Variants in SASH1 observed in about 807,000 individuals in gnomAD.
SASH1 encodes the protein SAM and SH3 domain-containing protein 1.
Under a neutral mutation model 125.2 loss-of-function variants are expected in SASH1, and 44 were observed. The ratio of observed to expected loss-of-function variants is 0.35; its 90% CI spans 0.28 to 0.45. SASH1 has a LOEUF of 0.45. SASH1 is among the 20% of genes least tolerant of loss of function. SASH1 has a pLI of 1.00. For missense variants in SASH1, 1,426 were observed against 1,614.5 expected, an observed-to-expected ratio of 0.88 and a Z score of 2.00; for synonymous variants, 639 against 649.1, an observed-to-expected ratio of 0.98 and a Z score of 0.24.
chr6:148,494,221 T>C (rs548103458), intron 8 of SASH1, among the ~76,000 whole-genome samples: 1 of 152,228 alleles, frequency 6.6e-6, no homozygotes, highest in South Asian at 2.1e-4. Context: ...CAATCTTATT[T>C]AAAATTTTTT....
chr6:148,387,564 TTCTCTTTCTTTCTTTCTTTCTTTCTTTC>T (rs1783440496), intron 1 of SASH1, among the ~76,000 whole-genome samples: 3 of 142,272 alleles, frequency 2.1e-5, no homozygotes, highest in Non-Finnish European at 4.7e-5. Context: ...TTTCTTTCTT[TTCTCTTTCTTTCTTTCTTTCTTTCTTTC>T]TTTCTTTCTT....
At chr6:148,261,695 A>T in the SASH1 span, among the ~76,000 whole-genome samples, 1 of 152,180 alleles carries the variant, frequency 6.6e-6, no homozygotes, top group Non-Finnish European at 1.5e-5. Flanking sequence ...CAGGAATGAC[A>T]GTCCTGCATT....
intron 4 of SASH1, among the ~76,000 whole-genome samples, chr6:148,452,703 C>T (rs369297405): frequency 2.6e-3 from 101 of 39,252 alleles, no homozygotes; most frequent in African/African-American, 5.8e-3. Flanking sequence ...GCTGTTCCCT[C>T]CCCTCACCCC....
At chr6:148,408,721 A>G (rs999754243) in intron 2 of SASH1, among the ~76,000 whole-genome samples, 6 of 152,082 alleles carry the variant, frequency 3.9e-5, no homozygotes, top group African/African-American at 1.2e-4. Context: ...TTTTGGTGTC[A>G]TATCCACTGA....
At chr6:148,462,225 T>C (rs1304511128) in intron 4 of SASH1, among the ~76,000 whole-genome samples, 3 of 152,196 alleles carry the variant, frequency 2.0e-5, no homozygotes, top group Non-Finnish European at 4.4e-5. Flanking sequence ...AGTACAGGTT[T>C]TCCAGTAACA....
chr6:148,288,890 G>T (rs1043908434), intron 1 of SASH1, among the ~76,000 whole-genome samples: 2 of 152,218 alleles, frequency 1.3e-5, no homozygotes, highest in Non-Finnish European at 2.9e-5. Context: ...TGGCCAGAGA[G>T]ATTTCACCTC....
chr6:148,301,119 G>A (rs990011426), intron 1 of SASH1, among the ~76,000 whole-genome samples: 1 of 151,712 alleles, frequency 6.6e-6, no homozygotes, highest in African/African-American at 2.4e-5. Flanking sequence ...CTGCAGTCGG[G>A]AGTTCGAGTC....
chr6:148,305,953 C>T (rs1389152476), intron 1 of SASH1, among the ~76,000 whole-genome samples: 1 of 152,138 alleles, frequency 6.6e-6, no homozygotes, highest in Non-Finnish European at 1.5e-5. Flanking sequence ...ATGATGAGTG[C>T]TTGAGGTGAT....
At chr6:148,427,658 G>T (rs1775884080) in intron 2 of SASH1, among the ~76,000 whole-genome samples, 1 of 152,178 alleles carries the variant, frequency 6.6e-6, no homozygotes, top group South Asian at 2.1e-4. Context: ...TTGACATGAG[G>T]TGTGGGAGCA....
chr6:148,444,633 G>C (rs186223978), intron 4 of SASH1, among the ~76,000 whole-genome samples: 3 of 152,160 alleles, frequency 2.0e-5, no homozygotes, highest in Non-Finnish European at 4.4e-5. Flanking sequence ...AATAAAGAAG[G>C]CCAAGGGAGA....
intron 1 of SASH1, among the ~76,000 whole-genome samples, chr6:148,289,861 GTTTTTT>G (rs144013796): frequency 2.3e-5 from 2 of 85,892 alleles, no homozygotes; most frequent in Non-Finnish European, 4.3e-5. Flanking sequence ...TTTTGGTTGT[GTTTTTT>G]TTTTTTTTTT....
At chr6:148,457,271 G>C (rs796283960) in intron 4 of SASH1, among the ~76,000 whole-genome samples, 1 of 150,930 alleles carries the variant, frequency 6.6e-6, no homozygotes, top group East Asian at 2.0e-4. Context: ...TCCAGGGGCA[G>C]CATTACAAAC....
intron 2 of SASH1, among the ~76,000 whole-genome samples, chr6:148,411,209 CTGTATTTT>C (rs908847807): frequency 4.6e-5 from 6 of 129,288 alleles, no homozygotes; most frequent in South Asian, 5.6e-4. Flanking sequence ...CCTTCCAGGT[CTGTATTTT>C]TGTATTTTTG....
Position 148,326,371 on chromosome 6 carries a change from T to TAC in SASH1, n.74+53995_74+53996insCA, listed in dbSNP as rs1554235359. On this transcript the variant is annotated intron_variant and non_coding_transcript_variant, in intron 1 of 3. Transcript: ENST00000367469. ...ATATATATATATGCATATATATATA[T>TAC]ATACATTCTTTTCTTTTCTTTTCTT... Among the ~76,000 whole-genome samples the TAC allele has an allele frequency of 5.8e-4, 43 of 74,490 alleles. 5 individuals are homozygous for TAC. In the East Asian group the frequency reaches 0.011, roughly 19 times the overall value. 48.9% of individuals were successfully genotyped at this position (74,490 alleles called of 152,430 possible). A position where few individuals can be genotyped will look rare whatever the true frequency, so the allele number is the denominator to read the frequency against.
At chr6:148,343,950 T>G (rs58264919) in intron 1 of SASH1, among the ~76,000 whole-genome samples, 12,437 of 152,154 alleles carry the variant, frequency 0.082, 779 homozygotes, top group East Asian at 0.32. Flanking sequence ...ATGGGCGAGG[T>G]TTATTACAGT....
chr6:148,543,890 T>A lies in SASH1; in HGVS notation c.2420T>A (p.Leu807Ter). The change falls in exon 18 of 20, where the codon TTG (leucine) becomes TAG (stop). Residue 807 changes from leucine (L) to a stop codon, truncating the protein, a stop_gained. Coordinates refer to ENST00000367467, the MANE Select transcript of SASH1 (RefSeq NM_015278.5). LOFTEE classifies it high-confidence loss of function. ...TGTGACCCACCTGGTGTGACTGGTT[T>A]GAATAAAAACCGAAGAAGCCTCCCA... ...KSCDPPGVTGLNKNRRSLPVS... is the reference protein window; with the variant it reads ...KSCDPPGVTG 6.2e-7 allele frequency: 1 copy of A among 1,614,172 alleles called. No homozygotes were observed. Among genetic ancestry groups the A allele is most frequent in the Non-Finnish European group, 8.5e-7 (1 of 1,180,040 alleles).
chr6:148,202,951 C>CAAA, the SASH1 span, among the ~76,000 whole-genome samples: 4 of 137,262 alleles, frequency 2.9e-5, no homozygotes, highest in Non-Finnish European at 4.7e-5. Context: ...AAGGCTGTGT[C>CAAA]AAAAAAAAAA....
chr6:148,309,841 CA>C (rs1780252707), intron 1 of SASH1, among the ~76,000 whole-genome samples: 1 of 152,064 alleles, frequency 6.6e-6, no homozygotes, highest in Admixed American at 6.6e-5. Flanking sequence ...CAAAGGAGAA[CA>C]AAAACTGGCG....
chr6:148,368,769 C>CGCGT, intron 1 of SASH1, among the ~76,000 whole-genome samples: 1 of 59,344 alleles, frequency 1.7e-5, no homozygotes, highest in Admixed American at 1.7e-4. Context: ...CGCACGCGCG[C>CGCGT]GCACACACAC....
Sources: gnomAD v4.1 joint callset for allele counts (sites outside exome capture counted in the v4.1 genomes callset) on GRCh38, gnomAD v4.1.1 for gene constraint, MANE v1.5 for transcripts, NCBI Gene and HGNC (gene_info 2026-07-23, HGNC 2026-07-21) for gene names.